The following COL6A3 variants were observed in gnomAD, a reference collection of about 807,000 sequenced individuals.
COL6A3 encodes collagen alpha-3(VI) chain.
A neutral mutation model predicts 274.1 loss-of-function variants in COL6A3; 137 were observed. The observed-to-expected ratio is 0.50, with a 90% CI of 0.44 to 0.58. The LOEUF (loss-of-function observed/expected upper bound fraction) is 0.58. COL6A3 is among the 20% of genes least tolerant of loss of function. The probability of loss-of-function intolerance (pLI) is 0.00; values close to 1 mark genes in which losing one functional copy is unlikely to be tolerated. For synonymous variants in COL6A3, 1,650 were observed against 1,650.6 expected (o/e 1.00, Z 0.01); for missense variants, 3,950 against 4,124.9 (o/e 0.96, Z 1.16).
Position 237,360,106 on chromosome 2 carries a change from C to G in COL6A3, c.6264G>C (p.Pro2088=), listed in dbSNP as rs1156803322. The change falls in exon 17 of 44, where the codon CCG becomes CCC. Residue 2088 remains proline, a synonymous_variant. Transcript: ENST00000295550. The part of the protein sequence containing the change: ...VNGTQGFQGC[P]GQRGVKGSRG... ...GCCTCACCTTTACTCCTCTCTGGCC[C>G]GGGCAGCCCTGGAAACCTTGAGTGC... is the stretch of plus-strand genomic sequence containing the variant. 4 of 1,614,166 alleles carry G rather than the reference C, an allele frequency of 2.5e-6. No homozygotes were observed. Among genetic ancestry groups the G allele is most frequent in the Non-Finnish European group, 3.4e-6 (4 of 1,180,034 alleles).
chr2:237,375,284 A>C (rs955776240), intron 7 of COL6A3, among the ~76,000 whole-genome samples: 15 of 152,170 alleles, frequency 9.9e-5, no homozygotes, highest in African/African-American at 3.4e-4. Flanking sequence ...AGATGTAAGG[A>C]TGGAAACAGA....
Position 237,414,131 on chromosome 2 carries a change from C to T in COL6A3, c.-209G>A, listed in dbSNP as rs571907406. The T allele has an allele frequency of 7.2e-5, 11 of 152,282 alleles. No individual in the cohort carries two copies. Among genetic ancestry groups the T allele is most frequent in the African/African-American group, 2.6e-4 (11 of 41,558 alleles). The allele number at this position is 152,282 out of a possible 1,614,324, so 9.4% of individuals were successfully genotyped here. The stretch of plus-strand genomic sequence containing the variant: ...TTGCAGTCCTTGCAGGAGGCTGGAG[C>T]CCAGGAGAACTGAACGGCCTTTGGT... On this transcript the variant is annotated 5_prime_UTR_variant, in exon 1 of 44. Coordinates refer to ENST00000295550, the MANE Select transcript of COL6A3 (RefSeq NM_004369.4).
intron 26 of COL6A3, 77 bp downstream of exon 26, chr2:237,352,445 C>A: frequency 7.1e-7 from 1 of 1,414,520 alleles, no homozygotes. Context: ...TAGCATCATC[C>A]GAGAAACTCT....
rs1159399040 is a variant in COL6A3, at chr2:237,341,024, G to T, written c.7892C>A (p.Thr2631Asn). Residue 2631 changes from threonine to asparagine, a missense_variant, in exon 38 of 44, where the codon ACC becomes AAC. By Grantham distance (65) the Thr-to-Asn change is moderately conservative (BLOSUM62 0). This residue lies in a region of COL6A3 where 1,284 missense variants were observed against 1,349.7 expected (regional missense o/e 0.95). Coordinates refer to ENST00000295550, the MANE Select transcript of COL6A3 (RefSeq NM_004369.4). ...AFILDSAETT[T>N]LFQFNEMKKY... ...CTTCATCTCATTGAACTGGAACAGG[G>T]TGGTGGTCTCAGCGCTGTCTAAGAT... 3.1e-6 allele frequency: 5 copies of T among 1,614,070 alleles called. No homozygotes were observed. The highest frequency in any genetic ancestry group is 2.7e-5 in the African/African-American group (2 of 74,944).
At chr2:237,382,781 A>ATATTTT (rs560254000) in intron 4 of COL6A3, among the ~76,000 whole-genome samples, 37 of 152,272 alleles carry the variant, frequency 2.4e-4, no homozygotes, top group Middle Eastern at 3.4e-3. Context: ...CTTCTAGAAC[A>ATATTTT]TATTTTTATT....
chr2:237,325,764 T>C (rs2106299275), intron 42 of COL6A3, 40 bp from the exon 43 acceptor site: 2 of 1,575,890 alleles, frequency 1.3e-6, no homozygotes, highest in Non-Finnish European at 8.7e-7. Context: ...AATGAGAACA[T>C]GCGTGTTACT....
intron 1 of COL6A3, among the ~76,000 whole-genome samples, chr2:237,397,414 G>A: frequency 7.3e-6 from 1 of 137,792 alleles, no homozygotes; most frequent in South Asian, 2.5e-4. Context: ...GAGGAGAGAA[G>A]GAAAGAAAGA....
At position 237,357,245 on chromosome 2, in the gene COL6A3, AGCT is replaced by A. The variant is rs147306200; in HGVS notation, c.6591+90_6591+92del. 4,362 of 1,021,338 alleles carry A rather than the reference AGCT, an allele frequency of 4.3e-3. 21 individuals are homozygous for A. The highest frequency in any genetic ancestry group is 5.2e-3 in the Non-Finnish European group (3,348 of 638,078). The allele number at this position is 1,021,338 out of a possible 1,614,324, so 63.3% of individuals were successfully genotyped here. On this transcript the variant is annotated intron_variant, in intron 23 of 43. Coordinates refer to ENST00000295550, the MANE Select transcript of COL6A3 (RefSeq NM_004369.4). ...ATCCTTTTACATTCACTCACTGCAG[AGCT>A]GTGGACTAACCATGCACCAGGTCAT... is the stretch of plus-strand genomic sequence containing the variant.
At chr2:237,379,576 G>C (rs2077949098) in intron 5 of COL6A3, among the ~76,000 whole-genome samples, 1 of 152,288 alleles carries the variant, frequency 6.6e-6, no homozygotes, top group South Asian at 2.1e-4. Flanking sequence ...TGCTGCATCA[G>C]TCCATATCAC....
At position 237,353,345 on chromosome 2, in the gene COL6A3, G is replaced by A. The variant is rs1483292779; in HGVS notation, c.6686C>T (p.Ala2229Val). Residue 2229 changes from alanine (A) to valine (V), a missense_variant, in exon 25 of 44, where the codon GCA (alanine) becomes GTA (valine). Ala to Val is a moderately conservative substitution (Grantham distance 64). This residue lies in a region of COL6A3 where 1,284 missense variants were observed against 1,349.7 expected (regional missense o/e 0.95). Coordinates refer to ENST00000295550, the MANE Select transcript of COL6A3 (RefSeq NM_004369.4). ...GTCACACACGGAAGCACTCACCTGT[G>A]CACCTCTGGTCCCCTGCTCTCCCTC... ...GFEGEQGTRG[A>V]QGPAGPAGPP... The A allele has an allele frequency of 2.5e-6, 4 of 1,614,062 alleles. No homozygotes were observed. Among genetic ancestry groups the A allele is most frequent in the Non-Finnish European group, 2.5e-6 (3 of 1,179,930 alleles).
At chr2:237,352,708 A>T in intron 25 of COL6A3, 124 bp from the exon 26 acceptor site, 1 of 834,446 alleles carries the variant, frequency 1.2e-6, no homozygotes, top group Admixed American at 2.0e-5. Context: ...ACGGCCACCA[A>T]AACCCACAAT....
chr2:237,363,129 A>G, intron 14 of COL6A3, 124 bp downstream of exon 14: 1 of 948,882 alleles, frequency 1.1e-6, no homozygotes, highest in Non-Finnish European at 1.6e-6. Flanking sequence ...AAATAAATTT[A>G]ACTATCTACC....
intron 1 of COL6A3, among the ~76,000 whole-genome samples, chr2:237,411,488 G>A (rs1451488442): frequency 1.3e-5 from 2 of 152,180 alleles, no homozygotes; most frequent in Non-Finnish European, 2.9e-5. Context: ...TTCCAAAGAA[G>A]GCGGTCTTGT....
intron 39 of COL6A3, 199 bp downstream of exon 39, chr2:237,338,816 C>G (rs2106317403): frequency 1.8e-6 from 1 of 564,822 alleles, no homozygotes; most frequent in East Asian, 3.0e-5. Context: ...TTTTAAGCCA[C>G]TAAGTTTTGG....
chr2:237,405,325 T>C (rs1472675789), intron 1 of COL6A3, among the ~76,000 whole-genome samples: 1 of 152,162 alleles, frequency 6.6e-6, no homozygotes, highest in African/African-American at 2.4e-5. Flanking sequence ...CTCTCTTCTA[T>C]TGTTTGTCAT....
Position 237,339,018 on chromosome 2 carries a change from T to A in COL6A3, c.8564A>T (p.Gln2855Leu), listed in dbSNP as rs1157049646. The A allele has an allele frequency of 1.9e-6, 3 of 1,612,912 alleles. No homozygotes were observed. The African/African-American group carries it at 4.0e-5, about 22-fold the overall frequency. The change falls in exon 39 of 44, where the codon CAA becomes CTA. Residue 2855 changes from glutamine (Q) to leucine (L), a missense_variant. Gln to Leu is a moderately radical substitution (Grantham distance 113, BLOSUM62 -2). Coordinates refer to ENST00000295550, the MANE Select transcript of COL6A3 (RefSeq NM_004369.4). ...GACAATAATTATAATCACTTACACTTGTTTGTGACCAAACTTCACAAGGTT... is the reference window on the plus strand; with the variant it reads ...GACAATAATTATAATCACTTACACTAGTTTGTGACCAAACTTCACAAGGTT... ...TKNLVKFGHK[Q>L]VNVPNNVTSS...
At position 237,345,230 on chromosome 2, in the gene COL6A3, C is replaced by A; in HGVS notation, c.7093-17G>T. On this transcript the variant is annotated splice_polypyrimidine_tract_variant and intron_variant, in intron 32 of 43. Coordinates refer to ENST00000295550, the MANE Select transcript of COL6A3 (RefSeq NM_004369.4). The stretch of plus-strand genomic sequence containing the variant: ...CTTGGGACCCTGTAAAACCAAGGAA[C>A]GAAAGGTGAGAGGCACAGCAGATGG... 6.2e-7 allele frequency: 1 copy of A among 1,613,836 alleles called. No homozygotes were observed. Among genetic ancestry groups the A allele is most frequent in the Non-Finnish European group, 8.5e-7 (1 of 1,179,822 alleles).
chr2:237,399,286 C>A (rs188581024), intron 1 of COL6A3, among the ~76,000 whole-genome samples: 1 of 152,184 alleles, frequency 6.6e-6, no homozygotes, highest in Non-Finnish European at 1.5e-5. Context: ...CCTGGATCCA[C>A]CATACCCTAC....
chr2:237,368,332 T>A lies in COL6A3; in HGVS notation c.4900+231A>T, dbSNP rs2077602005. On this transcript the variant is annotated intron_variant, in intron 10 of 43. Coordinates refer to ENST00000295550, the MANE Select transcript of COL6A3 (RefSeq NM_004369.4). The surrounding 1 kb of genome is among the most constrained non-coding windows in gnomAD (Gnocchi z 4.4). ...GTTTGTAATTATCTCAGTGCAACAC[T>A]GCAGAACCTTTCAATGGGGCTATGA... is the stretch of plus-strand genomic sequence containing the variant. Among the ~76,000 whole-genome samples the A allele has an allele frequency of 6.6e-6, 1 of 152,238 alleles. No homozygotes were observed. The highest frequency in any genetic ancestry group is 1.5e-5 in the Non-Finnish European group (1 of 68,048).
Sources: gnomAD v4.1 joint callset for allele counts (sites outside exome capture counted in the v4.1 genomes callset) on GRCh38, gnomAD v4.1.1 for gene constraint, gnomAD v4.1.1 regional missense constraint, Gnocchi (gnomAD v3.1) non-coding constraint, MANE v1.5 for transcripts, NCBI Gene and HGNC (gene_info 2026-07-23, HGNC 2026-07-21) for gene names.